KDM2A: variants seen among roughly 807,000 people sequenced by gnomAD.
KDM2A encodes lysine-specific demethylase 2A.
In KDM2A, 3 loss-of-function variants were observed where a neutral mutation model predicts 137.3. The observed-to-expected ratio is 0.02, with a 90% CI of 0.01 to 0.06. The LOEUF (loss-of-function observed/expected upper bound fraction) is 0.06. Among genes scored for constraint, KDM2A ranks in the 10% least tolerant of loss-of-function variants. The probability of loss-of-function intolerance (pLI) is 1.00; values close to 1 mark genes in which losing one functional copy is unlikely to be tolerated. For missense variants in KDM2A, 738 were observed against 1,510.6 expected (o/e 0.49, Z 8.48); for synonymous variants, 512 against 541.5 (o/e 0.95, Z 0.76).
rs1485670115 is a variant in KDM2A, at chr11:67,255,600, C to G, written c.*545C>G. 1 of 456,630 alleles carries G rather than the reference C, an allele frequency of 2.2e-6. No homozygotes were observed. The highest frequency in any genetic ancestry group is 2.0e-5 in the African/African-American group (1 of 50,194). The allele number at this position is 456,630 out of a possible 1,614,324, so 28.3% of individuals were successfully genotyped here. A position where few individuals can be genotyped will look rare whatever the true frequency, so the allele number is the denominator to read the frequency against. On this transcript the variant is annotated 3_prime_UTR_variant, in exon 21 of 21. Transcript: ENST00000529006. ...GATCACACTGGTGCTGTTGAGATCT[C>G]CCAAACCTCACGTCCTTAACTGTGC...
Position 67,121,328 on chromosome 11 carries a change from A to G in KDM2A, c.12A>G (p.Glu4=), listed in dbSNP as rs1855593202. The change falls in exon 2 of 21, where the codon GAA becomes GAG. Residue 4 remains glutamate (E), a synonymous_variant. Coordinates refer to ENST00000529006, the MANE Select transcript of KDM2A (RefSeq NM_012308.3). MEP[E]EERIRYSQRL... is the part of the protein sequence containing the mutation. ...CAGAAGAGTGAGAGATGGAACCCGA[A>G]GAAGAAAGGATTCGTTACAGCCAGA... 6.2e-7 allele frequency: 1 copy of G among 1,613,914 alleles called. No homozygotes were observed. Among genetic ancestry groups the G allele is most frequent in the East Asian group, 2.2e-5 (1 of 44,882 alleles).
At position 67,191,275 on chromosome 11, in the gene KDM2A, T is replaced by C. The variant is rs192182798; in HGVS notation, c.307+9383T>C. Among the ~76,000 whole-genome samples the C allele has an allele frequency of 6.7e-4, 102 of 152,236 alleles. 1 individual carries two copies. The East Asian group carries it at 0.019, about 28-fold the overall frequency. On this transcript the variant is annotated intron_variant, in intron 5 of 20. Transcript: ENST00000529006. The stretch of plus-strand genomic sequence containing the variant: ...CTCCTGACCTCGTGATCTGCTCGCC[T>C]CGGCCTCCCAAAGTGCTGAGATAAC...
At chr11:67,209,385 C>T (rs187325411) in intron 6 of KDM2A, among the ~76,000 whole-genome samples, 16 of 151,520 alleles carry the variant, frequency 1.1e-4, no homozygotes, top group African/African-American at 3.6e-4. Context: ...ATTCCAGTAA[C>T]ATTATTTATT....
intron 1 of KDM2A, among the ~76,000 whole-genome samples, chr11:67,120,257 T>G (rs954750172): frequency 3.3e-5 from 5 of 152,196 alleles, no homozygotes; most frequent in African/African-American, 1.2e-4. Context: ...CAAGCACGGT[T>G]TCCCTCCCGA....
intron 2 of KDM2A, among the ~76,000 whole-genome samples, chr11:67,149,909 G>A (rs1304306849): frequency 6.6e-6 from 1 of 151,838 alleles, no homozygotes; most frequent in African/African-American, 2.4e-5. Flanking sequence ...TAGTAGAAGA[G>A]CGGGGTTTCA....
At chr11:67,121,466 C>T (rs1290457171) in intron 2 of KDM2A, 108 bp downstream of exon 2, 2 of 1,045,984 alleles carry the variant, frequency 1.9e-6, no homozygotes, top group African/African-American at 1.6e-5. Flanking sequence ...TTTCGGGTGA[C>T]TTTTCTGTGC....
At chr11:67,186,669 G>T (rs1808717978) in intron 5 of KDM2A, among the ~76,000 whole-genome samples, 1 of 152,322 alleles carries the variant, frequency 6.6e-6, no homozygotes, top group Non-Finnish European at 1.5e-5. Flanking sequence ...TAAGAGACGA[G>T]CATATTTTTT....
At chr11:67,241,058 T>G (rs749638829) in intron 12 of KDM2A, among the ~76,000 whole-genome samples, 7 of 152,216 alleles carry the variant, frequency 4.6e-5, no homozygotes, top group Admixed American at 3.9e-4. Context: ...GATCTTACTG[T>G]GCAGTCTGTT....
At chr11:67,201,973 T>C (rs1857638421) in intron 5 of KDM2A, among the ~76,000 whole-genome samples, 1 of 151,550 alleles carries the variant, frequency 6.6e-6, no homozygotes. Context: ...ATAATTAAAA[T>C]GAAAAAGAGC....
rs931566422 is a variant in KDM2A, at chr11:67,209,194, A to G, written c.486+1506A>G. Among the ~76,000 whole-genome samples, 5 of 151,996 alleles carry G rather than the reference A, an allele frequency of 3.3e-5. No individual in the cohort carries two copies. The East Asian group carries it at 7.8e-4, about 24-fold the overall frequency. On this transcript the variant is annotated intron_variant, in intron 6 of 20. Transcript: ENST00000529006. Reference sequence around the variant, plus strand: ...GTGATCGACCTGCCTCGGTCTCCCAAAGTGCTGGGATTACAGGCATGAGCC... The same window carrying G: ...GTGATCGACCTGCCTCGGTCTCCCAGAGTGCTGGGATTACAGGCATGAGCC...
intron 10 of KDM2A, 119 bp downstream of exon 10, chr11:67,219,522 T>G: frequency 2.0e-6 from 1 of 493,538 alleles, no homozygotes; most frequent in Non-Finnish European, 3.4e-6. Flanking sequence ...TAAAATGCAG[T>G]GTTGACATTT....
intron 2 of KDM2A, among the ~76,000 whole-genome samples, chr11:67,153,014 C>T (rs548499082): frequency 6.7e-6 from 1 of 149,514 alleles, no homozygotes; most frequent in African/African-American, 2.5e-5. Context: ...GACTGCGTTT[C>T]ACTCTTTCTG....
chr11:67,167,799 G>A (rs1856780596), intron 2 of KDM2A, among the ~76,000 whole-genome samples: 1 of 152,108 alleles, frequency 6.6e-6, no homozygotes, highest in Admixed American at 6.6e-5. Context: ...TTTCCAGAAT[G>A]TATTTGAAGG....
intron 3 of KDM2A, among the ~76,000 whole-genome samples, chr11:67,180,605 A>G (rs1333199287): frequency 6.6e-6 from 1 of 152,100 alleles, no homozygotes; most frequent in Non-Finnish European, 1.5e-5. Flanking sequence ...TCCTTGGCAA[A>G]CTGACAAGGA....
At position 67,255,506 on chromosome 11, in the gene KDM2A, TCTC is replaced by T. The variant is rs1360134474; in HGVS notation, c.*456_*458del. On this transcript the variant is annotated 3_prime_UTR_variant, in exon 21 of 21. Coordinates refer to ENST00000529006, the MANE Select transcript of KDM2A (RefSeq NM_012308.3). ...GTTCTTGTGGTGTCCAGTGCGCGTC[TCTC>T]CTCCATCACACTCTCCCGGCTTGCG... 4.4e-6 allele frequency: 2 copies of T among 457,280 alleles called. No individual in the cohort carries two copies. Among genetic ancestry groups the T allele is most frequent in the Non-Finnish European group, 8.8e-6 (2 of 227,448 alleles). 28.3% of individuals were successfully genotyped at this position (457,280 alleles called of 1,614,324 possible).
At position 67,218,759 on chromosome 11, in the gene KDM2A, C is replaced by T. The variant is rs990386670; in HGVS notation, c.842-529C>T. ...CCGAGTAGCTGGGATTACAGGTGTG[C>T]ACCACCATGCCCAGCTAATTTTTGT... On this transcript the variant is annotated intron_variant, in intron 9 of 20. Transcript: ENST00000529006. Among the ~76,000 whole-genome samples the T allele has an allele frequency of 1.2e-4, 18 of 152,218 alleles. No homozygotes were observed. In the East Asian group the frequency reaches 2.3e-3, roughly 20 times the overall value.
intron 5 of KDM2A, among the ~76,000 whole-genome samples, chr11:67,189,714 C>T (rs896839018): frequency 5.9e-5 from 9 of 152,274 alleles, no homozygotes; most frequent in South Asian, 2.1e-4. Context: ...ATGGTGGACA[C>T]CTGTAGTCCC....
At chr11:67,193,190 A>G (rs1380849664) in intron 5 of KDM2A, among the ~76,000 whole-genome samples, 2 of 151,910 alleles carry the variant, frequency 1.3e-5, no homozygotes, top group African/African-American at 2.4e-5. Context: ...GGGTTTTGCC[A>G]TGTTGGCCAG....
At chr11:67,156,837 C>T (rs537330778) in intron 2 of KDM2A, among the ~76,000 whole-genome samples, 26 of 151,936 alleles carry the variant, frequency 1.7e-4, no homozygotes, top group South Asian at 6.2e-4. Context: ...TGCAGTGAGC[C>T]GAGATCGCGC....
Sources: gnomAD v4.1 joint callset for allele counts (sites outside exome capture counted in the v4.1 genomes callset) on GRCh38, gnomAD v4.1.1 for gene constraint, MANE v1.5 for transcripts, NCBI Gene and HGNC (gene_info 2026-07-23, HGNC 2026-07-21) for gene names.